L3MBTL4: variants seen among roughly 807,000 people sequenced by gnomAD.
L3MBTL4 encodes lethal(3)malignant brain tumor-like protein 4.
In L3MBTL4, 70 loss-of-function variants were observed where a neutral mutation model predicts 84.5. The observed-to-expected ratio is 0.83, with a 90% CI of 0.68 to 1.01. The LOEUF (loss-of-function observed/expected upper bound fraction) is 1.01. Among genes scored for constraint, L3MBTL4 ranks in the 50% least tolerant of loss-of-function variants. The probability of loss-of-function intolerance (pLI) is 0.00; values close to 1 mark genes in which losing one functional copy is unlikely to be tolerated. For missense variants in L3MBTL4, 715 were observed against 754.8 expected, an observed-to-expected ratio of 0.95 and a Z score of 0.62; for synonymous variants, 274 against 259.8, an observed-to-expected ratio of 1.05 and a Z score of -0.52.
chr18:6,248,012 C>A (rs149406159), intron 5 of L3MBTL4, among the ~76,000 whole-genome samples: 4 of 152,088 alleles, frequency 2.6e-5, no homozygotes, highest in Non-Finnish European at 5.9e-5. Flanking sequence ...ACAAAATGCA[C>A]ATATATGTAC....
intron 4 of L3MBTL4, among the ~76,000 whole-genome samples, chr18:6,267,186 T>C (rs999972312): frequency 2.0e-5 from 3 of 152,120 alleles, no homozygotes; most frequent in African/African-American, 7.2e-5. Context: ...AGCTAAAAAT[T>C]AGACTCAAAA....
chr18:6,186,512 A>G (rs1016550747), intron 12 of L3MBTL4, among the ~76,000 whole-genome samples: 3 of 152,208 alleles, frequency 2.0e-5, no homozygotes, highest in African/African-American at 7.2e-5. Flanking sequence ...AACAAGAGAA[A>G]GAGTTTCGGA....
At position 6,071,760 on chromosome 18, in the gene L3MBTL4, AAAAAGAAAGAAAG is replaced by A. The variant is rs1404543263; in HGVS notation, c.1444+9108_1444+9120del. On this transcript the variant is annotated intron_variant, in intron 16 of 18. Coordinates refer to ENST00000317931, the MANE Select transcript of L3MBTL4 (RefSeq NM_001330559.2). ...AAGAAGGAAGGAAAGAAAGAAAGAA[AAAAAGAAAGAAAG>A]AAAGAAAGAAAGAAAGAAAGAAAGA... 7.3e-3 allele frequency among the ~76,000 whole-genome samples: 569 copies of A among 77,950 alleles called. 3 individuals carry two copies. The highest frequency in any genetic ancestry group is 0.021 in the African/African-American group (559 of 26,502). 51.1% of individuals were successfully genotyped at this position (77,950 alleles called of 152,430 possible).
chr18:6,115,785 C>T lies in L3MBTL4; in HGVS notation c.1200-22257G>A, dbSNP rs146393673. 1.5e-3 allele frequency among the ~76,000 whole-genome samples: 230 copies of T among 152,308 alleles called. 1 individual carries two copies. Among genetic ancestry groups the T allele is most frequent in the Admixed American group, 0.011 (170 of 15,298 alleles). ...GAGGACTTCAGAGTAAGCATGGCCA[C>T]GAAGTCGTCTTCAGACCTGTGTACA... is the stretch of plus-strand genomic sequence containing the variant. On this transcript the variant is annotated intron_variant, in intron 14 of 18. Coordinates refer to ENST00000317931, the MANE Select transcript of L3MBTL4 (RefSeq NM_001330559.2).
chr18:6,164,203 C>T (rs886941343), intron 13 of L3MBTL4, among the ~76,000 whole-genome samples: 3 of 152,228 alleles, frequency 2.0e-5, no homozygotes, highest in Non-Finnish European at 4.4e-5. Flanking sequence ...TGGGTGGAGC[C>T]CACCACAGCT....
chr18:5,972,899 GAAT>G (rs1567933893), intron 16 of L3MBTL4, among the ~76,000 whole-genome samples: 562 of 11,218 alleles, frequency 0.05, 32 homozygotes, highest in East Asian at 0.13. Flanking sequence ...GAAGAGAATA[GAAT>G]AGAATAGAAT....
intron 1 of L3MBTL4, among the ~76,000 whole-genome samples, chr18:6,356,460 T>C (rs2053450342): frequency 6.6e-6 from 1 of 152,244 alleles, no homozygotes; most frequent in South Asian, 2.1e-4. Context: ...ACAGGATTTG[T>C]TCTAAGAAAT....
chr18:6,292,482 A>T (rs1367927014), intron 4 of L3MBTL4, among the ~76,000 whole-genome samples: 6 of 152,240 alleles, frequency 3.9e-5, no homozygotes, highest in African/African-American at 1.4e-4. Flanking sequence ...ATTCCAAACA[A>T]ATCTGAGAAA....
At chr18:6,015,078 A>G (rs1002151504) in intron 16 of L3MBTL4, among the ~76,000 whole-genome samples, 6 of 151,916 alleles carry the variant, frequency 3.9e-5, no homozygotes, top group African/African-American at 1.5e-4. Flanking sequence ...GGGTCATACA[A>G]ATGGAGTATT....
chr18:6,106,728 T>A (rs2059021470), intron 14 of L3MBTL4, among the ~76,000 whole-genome samples: 1 of 152,228 alleles, frequency 6.6e-6, no homozygotes, highest in Non-Finnish European at 1.5e-5. Context: ...AAGCTGCACC[T>A]ACCCAGTCAA....
chr18:6,270,362 C>G (rs1237905600), intron 4 of L3MBTL4, among the ~76,000 whole-genome samples: 1 of 152,142 alleles, frequency 6.6e-6, no homozygotes, highest in Non-Finnish European at 1.5e-5. Flanking sequence ...TCTCCCCAGG[C>G]AAAGCAGGTA....
chr18:6,198,346 G>GA, intron 12 of L3MBTL4, among the ~76,000 whole-genome samples: 1 of 152,262 alleles, frequency 6.6e-6, no homozygotes, highest in East Asian at 1.9e-4. Context: ...ATTTACCAGA[G>GA]AAAGAGAGAA....
chr18:6,263,038 G>T (rs1315174427), intron 5 of L3MBTL4, among the ~76,000 whole-genome samples: 1 of 152,140 alleles, frequency 6.6e-6, no homozygotes, highest in Non-Finnish European at 1.5e-5. Context: ...ACTTTGGGAG[G>T]CCGAGGCAGG....
rs1599361981 is a variant in L3MBTL4, at chr18:6,256,190, T to C, written c.219+7757A>G. Among the ~76,000 whole-genome samples, 5 of 152,306 alleles carry C rather than the reference T, an allele frequency of 3.3e-5. No individual in the cohort carries two copies. The East Asian group carries it at 9.6e-4, about 29-fold the overall frequency. On this transcript the variant is annotated intron_variant, in intron 5 of 18. Coordinates refer to ENST00000317931, the MANE Select transcript of L3MBTL4 (RefSeq NM_001330559.2). ...CAAATTCAGACTATCAAAAACAAAA[T>C]GCACCTATCAAAAACAAAATGCACA...
chr18:6,136,730 C>G (rs1416967267), intron 14 of L3MBTL4, among the ~76,000 whole-genome samples: 1 of 152,164 alleles, frequency 6.6e-6, no homozygotes, highest in Non-Finnish European at 1.5e-5. Context: ...AGGCCCTGTG[C>G]TTGGGTGTGC....
chr18:6,126,313 C>G (rs895838484), intron 14 of L3MBTL4, among the ~76,000 whole-genome samples: 6 of 152,016 alleles, frequency 3.9e-5, no homozygotes, highest in African/African-American at 7.2e-5. Context: ...TGCAATATTT[C>G]TAACTTTTTA....
chr18:6,146,276 C>T (rs913416120), intron 13 of L3MBTL4, among the ~76,000 whole-genome samples: 10 of 152,230 alleles, frequency 6.6e-5, no homozygotes, highest in African/African-American at 2.4e-4. Context: ...AGAGCCCACA[C>T]AGGCAGCATC....
intron 14 of L3MBTL4, among the ~76,000 whole-genome samples, chr18:6,121,158 G>A (rs1253939636): frequency 6.6e-6 from 1 of 152,168 alleles, no homozygotes; most frequent in African/African-American, 2.4e-5. Context: ...TGAGGTCAAT[G>A]CCACTGTATC....
At chr18:6,402,147 T>G (rs1218971150) in intron 1 of L3MBTL4, among the ~76,000 whole-genome samples, 3 of 152,170 alleles carry the variant, frequency 2.0e-5, no homozygotes, top group Non-Finnish European at 2.9e-5. Context: ...AATTCCAGAG[T>G]GTATACATTC....
Sources: allele counts gnomAD v4.1 joint callset (sites outside exome capture counted in the v4.1 genomes callset), GRCh38; gene constraint gnomAD v4.1.1; transcripts MANE v1.5; gene names NCBI Gene and HGNC (gene_info 2026-07-23, HGNC 2026-07-21).